Variants in STAT3 observed in about 807,000 individuals in gnomAD.
STAT3 encodes DNA-binding protein APRF.
STAT3 carries 7 observed loss-of-function variants against 114.3 expected under a neutral mutation model. The observed-to-expected ratio is 0.06, with a 90% CI of 0.03 to 0.11. STAT3 has a LOEUF of 0.11. Among genes scored for constraint, STAT3 ranks in the 10% least tolerant of loss-of-function variants. The pLI, the probability that STAT3 is intolerant of heterozygous loss-of-function variation, is 1.00. For synonymous variants in STAT3, 331 were observed against 354.5 expected (o/e 0.93, Z 0.74); for missense variants, 364 against 960.9 (o/e 0.38, Z 8.21).
At chr17:42,341,990 G>A (rs1466316659) in intron 4 of STAT3, among the ~76,000 whole-genome samples, 1 of 151,994 alleles carries the variant, frequency 6.6e-6, no homozygotes, top group East Asian at 1.9e-4. Flanking sequence ...TGGTAAGTTG[G>A]AGCCTCTATC....
At position 42,313,728 on chromosome 17, in the gene STAT3, C is replaced by G. The variant is rs2081156514; in HGVS notation, c.*2017G>C. ...GAAGCCCTGAACCCTCGCCCTAGGTCCCTATGATTTAAACCCAATGGTAAG... is the reference window on the plus strand; with the variant it reads ...GAAGCCCTGAACCCTCGCCCTAGGTGCCTATGATTTAAACCCAATGGTAAG... On this transcript the variant is annotated 3_prime_UTR_variant, in exon 24 of 24. Coordinates refer to ENST00000264657, the MANE Select transcript of STAT3 (RefSeq NM_139276.3). The G allele has an allele frequency of 8.6e-6, 2 of 232,894 alleles. No homozygotes were observed. Among genetic ancestry groups the G allele is most frequent in the Non-Finnish European group, 1.7e-5 (2 of 117,568 alleles). The allele number at this position is 232,894 out of a possible 1,614,324, so 14.4% of individuals were successfully genotyped here.
chr17:42,380,052 T>G (rs1361649846), intron 1 of STAT3, among the ~76,000 whole-genome samples: 1 of 152,204 alleles, frequency 6.6e-6, no homozygotes, highest in Non-Finnish European at 1.5e-5. Context: ...TTTTTGTTTT[T>G]GTGACGGAGT....
At chr17:42,385,592 G>A (rs151071920) in intron 1 of STAT3, among the ~76,000 whole-genome samples, 562 of 151,936 alleles carry the variant, frequency 3.7e-3, no homozygotes, top group Non-Finnish European at 6.4e-3. Flanking sequence ...GGACTCAGGC[G>A]TCTGGAAAGT....
At chr17:42,318,713 C>T (rs2081347299) in intron 21 of STAT3, among the ~76,000 whole-genome samples, 1 of 152,100 alleles carries the variant, frequency 6.6e-6, no homozygotes, top group Non-Finnish European at 1.5e-5. Context: ...AAACATGAGG[C>T]TTAGACAGAA....
intron 1 of STAT3, among the ~76,000 whole-genome samples, chr17:42,355,027 T>C (rs1432251385): frequency 1.3e-5 from 2 of 152,140 alleles, no homozygotes; most frequent in African/African-American, 2.4e-5. Context: ...CATATTTAAT[T>C]AACAGCAGTC....
At chr17:42,361,225 A>G (rs1035385327) in intron 1 of STAT3, among the ~76,000 whole-genome samples, 2 of 152,184 alleles carry the variant, frequency 1.3e-5, no homozygotes, top group African/African-American at 4.8e-5. Context: ...TCACACCTGT[A>G]ATCCCAGCAC....
chr17:42,363,769 AGTG>A (rs2083636995), intron 1 of STAT3, among the ~76,000 whole-genome samples: 1 of 151,946 alleles, frequency 6.6e-6, no homozygotes, highest in African/African-American at 2.4e-5. Context: ...GACTTTCATA[AGTG>A]TTGTCTTCCT....
chr17:42,331,345 G>T, intron 11 of STAT3, 127 bp downstream of exon 11: 1 of 871,228 alleles, frequency 1.1e-6, no homozygotes, highest in Non-Finnish European at 1.8e-6. Flanking sequence ...CAAGGCTTTT[G>T]AAAACTTTTG....
At chr17:42,379,381 GA>G (rs2084650695) in intron 1 of STAT3, among the ~76,000 whole-genome samples, 5 of 152,164 alleles carry the variant, frequency 3.3e-5, no homozygotes, top group Admixed American at 3.3e-4. Flanking sequence ...TCTGAATACA[GA>G]TTAGTTTGCA....
chr17:42,345,221 C>T (rs151280992), intron 4 of STAT3, among the ~76,000 whole-genome samples: 3 of 150,912 alleles, frequency 2.0e-5, no homozygotes, highest in African/African-American at 4.9e-5. Flanking sequence ...GCCAAGATCG[C>T]GCCATTGCAC....
At chr17:42,377,235 TTTTTTG>T (rs1026184123) in intron 1 of STAT3, among the ~76,000 whole-genome samples, 3 of 152,066 alleles carry the variant, frequency 2.0e-5, no homozygotes, top group Non-Finnish European at 2.9e-5. Flanking sequence ...ACTCTGTAGT[TTTTTTG>T]TTTTTGTTTT....
At chr17:42,319,536 A>C in intron 21 of STAT3, among the ~76,000 whole-genome samples, 1 of 110,308 alleles carries the variant, frequency 9.1e-6, no homozygotes, top group South Asian at 3.9e-4. Flanking sequence ...AGCGAGACTC[A>C]GGCTCAAAAA....
rs1041147348 is a variant in STAT3, at chr17:42,341,274, G to C, written c.373-1865C>G. ...TAAACATCTCAGGCCAACACAGAAA[G>C]CTGTTTCACACAATTGATAACTTCA... On this transcript the variant is annotated intron_variant, in intron 4 of 23. Coordinates refer to ENST00000264657, the MANE Select transcript of STAT3 (RefSeq NM_139276.3). 3.9e-5 allele frequency among the ~76,000 whole-genome samples: 6 copies of C among 152,166 alleles called. No individual in the cohort carries two copies. The East Asian group carries it at 9.6e-4, about 24-fold the overall frequency.
At chr17:42,329,149 G>C (rs1307601918) in intron 14 of STAT3, among the ~76,000 whole-genome samples, 1 of 152,186 alleles carries the variant, frequency 6.6e-6, no homozygotes, top group Non-Finnish European at 1.5e-5. Flanking sequence ...CATGGGTGTG[G>C]AGAACAACTC....
rs1299848031 is a variant in STAT3 at position 42,349,704 on chromosome 17, C to T, written c.-23-1165G>A. Among the ~76,000 whole-genome samples the T allele has an allele frequency of 2.0e-5, 3 of 152,198 alleles. No homozygotes were observed. In the East Asian group the frequency reaches 5.8e-4, roughly 29 times the overall value. On this transcript the variant is annotated intron_variant, in intron 1 of 23. Coordinates refer to ENST00000264657, the MANE Select transcript of STAT3 (RefSeq NM_139276.3). Reference sequence around the variant, plus strand: ...ACCCAGCCAGCTAATTACCTGTAATCCTCTTTCTGAATAGCATGGGTCATG... The same window carrying T: ...ACCCAGCCAGCTAATTACCTGTAATTCTCTTTCTGAATAGCATGGGTCATG...
At chr17:42,331,671 T>C (rs1277278939) in intron 10 of STAT3, 140 bp from the exon 11 acceptor site, 2 of 718,524 alleles carry the variant, frequency 2.8e-6, no homozygotes, top group South Asian at 1.6e-5. Context: ...CTCACATCTA[T>C]AATCTCAGCA....
chr17:42,364,916 G>A (rs962725624), intron 1 of STAT3, among the ~76,000 whole-genome samples: 12 of 152,164 alleles, frequency 7.9e-5, no homozygotes, highest in Admixed American at 7.2e-4. Flanking sequence ...GAAATACTAA[G>A]GTAGTCCTGG....
chr17:42,380,419 CTG>C (rs2084717193), intron 1 of STAT3, among the ~76,000 whole-genome samples: 1 of 152,066 alleles, frequency 6.6e-6, no homozygotes, highest in African/African-American at 2.4e-5. Flanking sequence ...GAGTCTCACT[CTG>C]TCACCCAGGC....
At chr17:42,316,611 T>TG (rs1232977195) in intron 23 of STAT3, 178 bp downstream of exon 23, 1 of 1,484,876 alleles carries the variant, frequency 6.7e-7, no homozygotes, top group South Asian at 1.2e-5. Flanking sequence ...ATTTCCAGTG[T>TG]GGCTGCTAGA....
Sources: allele counts gnomAD v4.1 joint callset (sites outside exome capture counted in the v4.1 genomes callset), GRCh38; gene constraint gnomAD v4.1.1; transcripts MANE v1.5; gene names NCBI Gene and HGNC (gene_info 2026-07-23, HGNC 2026-07-21).